Variants in ACER2 observed in about 807,000 individuals in gnomAD.
ACER2 encodes the protein alkCDase 2.
ACER2 carries 26 observed loss-of-function variants against 34.7 expected under a neutral mutation model. The ratio of observed to expected loss-of-function variants is 0.75; its 90% CI spans 0.55 to 1.04. The LOEUF (loss-of-function observed/expected upper bound fraction) is 1.04. ACER2 is among the 50% of genes least tolerant of loss of function. The pLI is 0.00. For synonymous variants in ACER2, 138 were observed against 132.1 expected, an observed-to-expected ratio of 1.04 and a Z score of -0.31; for missense variants, 352 against 340.8, an observed-to-expected ratio of 1.03 and a Z score of -0.26.
At chr9:19,420,402 T>G (rs1830368522) in intron 1 of ACER2, among the ~76,000 whole-genome samples, 1 of 152,218 alleles carries the variant, frequency 6.6e-6, no homozygotes. Flanking sequence ...GACATACTTC[T>G]TCTCTGTGCT....
intron 3 of ACER2, among the ~76,000 whole-genome samples, chr9:19,427,354 G>C (rs973661121): frequency 6.6e-6 from 1 of 152,172 alleles, no homozygotes; most frequent in African/African-American, 2.4e-5. Context: ...AAAGGTACAT[G>C]TTAAGGGAAA....
chr9:19,442,782 C>A (rs1014445386), intron 4 of ACER2, among the ~76,000 whole-genome samples: 1 of 151,562 alleles, frequency 6.6e-6, no homozygotes, highest in Non-Finnish European at 1.5e-5. Flanking sequence ...AGGCAAGAGG[C>A]CTATTTATTT....
Position 19,435,096 on chromosome 9 carries a change from C to A in ACER2, c.503+12C>A. On this transcript the variant is annotated intron_variant, in intron 4 of 5. Coordinates refer to ENST00000340967, the MANE Select transcript of ACER2 (RefSeq NM_001010887.3). ...GCAGAGCTAAAGAGGTAGGTGCCAT[C>A]ATTCCTGCCTACCCTTAGCTGTCCC... 1.2e-6 allele frequency: 2 copies of A among 1,613,976 alleles called. No individual in the cohort carries two copies. The highest frequency in any genetic ancestry group is 1.7e-6 in the Non-Finnish European group (2 of 1,179,920).
intron 5 of ACER2, chr9:19,446,657 A>T: frequency 2.0e-6 from 2 of 983,938 alleles, no homozygotes; most frequent in Non-Finnish European, 2.4e-6. Context: ...TTAGGTCTGC[A>T]GTCTTTTACC....
chr9:19,409,813 G>T (rs1262352405), intron 1 of ACER2: 1 of 985,192 alleles, frequency 1.0e-6, no homozygotes, highest in East Asian at 1.1e-4. Context: ...ACTCCCCCAG[G>T]ACTGTGCTTT....
intron 1 of ACER2, among the ~76,000 whole-genome samples, chr9:19,417,289 C>G (rs1358840638): frequency 6.6e-6 from 1 of 152,148 alleles, no homozygotes; most frequent in Non-Finnish European, 1.5e-5. Flanking sequence ...ATGAAAATGG[C>G]CATACTGCCC....
At chr9:19,438,924 T>C (rs1457395387) in intron 4 of ACER2, among the ~76,000 whole-genome samples, 1 of 152,110 alleles carries the variant, frequency 6.6e-6, no homozygotes, top group Non-Finnish European at 1.5e-5. Flanking sequence ...GTGCTGAGAT[T>C]ACAGGTGTGA....
Position 19,409,080 on chromosome 9 carries a change from T to A in ACER2, c.-5T>A, listed in dbSNP as rs1475177482. The A allele has an allele frequency of 6.3e-7, 1 of 1,575,280 alleles. No individual in the cohort carries two copies. The highest frequency in any genetic ancestry group is 2.3e-5 in the East Asian group (1 of 43,094). ...GAGCAGCTGCTCCAATGCCCCGGAG[T>A]GGCCATGGGCGCCCCGCACTGGTGG... On this transcript the variant is annotated 5_prime_UTR_variant, in exon 1 of 6. Coordinates refer to ENST00000340967, the MANE Select transcript of ACER2 (RefSeq NM_001010887.3).
chr9:19,447,361 A>T (rs1242538419), intron 5 of ACER2, among the ~76,000 whole-genome samples: 1 of 152,222 alleles, frequency 6.6e-6, no homozygotes, highest in Non-Finnish European at 1.5e-5. Context: ...TCCCTTGCTC[A>T]TGTGAACTTT....
chr9:19,447,069 T>C (rs1831397458), intron 5 of ACER2, among the ~76,000 whole-genome samples: 1 of 152,040 alleles, frequency 6.6e-6, no homozygotes, highest in Non-Finnish European at 1.5e-5. Context: ...AGAATCCGAT[T>C]CTGAGAAAGC....
chr9:19,410,157 G>C (rs1392440086), intron 1 of ACER2, among the ~76,000 whole-genome samples: 2 of 149,624 alleles, frequency 1.3e-5, no homozygotes, highest in South Asian at 2.1e-4. Flanking sequence ...TTTTCCTTTT[G>C]GATTTGCTAG....
chr9:19,441,743 T>C (rs1831163724), intron 4 of ACER2, among the ~76,000 whole-genome samples: 1 of 152,200 alleles, frequency 6.6e-6, no homozygotes, highest in African/African-American at 2.4e-5. Flanking sequence ...GGACGGGGTC[T>C]CTTTTTTCAC....
chr9:19,430,204 C>T (rs995407641), intron 3 of ACER2, among the ~76,000 whole-genome samples: 1 of 150,662 alleles, frequency 6.6e-6, no homozygotes. Context: ...AAAAGGGACA[C>T]AGGCTATAGG....
At chr9:19,413,416 C>A (rs10116717) in intron 1 of ACER2, among the ~76,000 whole-genome samples, 2 of 151,844 alleles carry the variant, frequency 1.3e-5, no homozygotes, top group Non-Finnish European at 2.9e-5. Flanking sequence ...CTGGCCAACA[C>A]GGCGAAACCC....
At chr9:19,424,574 T>C in intron 2 of ACER2, 126 bp from the exon 3 acceptor site, 2 of 1,493,848 alleles carry the variant, frequency 1.3e-6, no homozygotes, top group Non-Finnish European at 1.8e-6. Flanking sequence ...CTTCAGTTTC[T>C]TTTTTCAGAG....
At chr9:19,429,763 T>C (rs1174324293) in intron 3 of ACER2, among the ~76,000 whole-genome samples, 2 of 152,222 alleles carry the variant, frequency 1.3e-5, no homozygotes, top group Non-Finnish European at 2.9e-5. Context: ...GCTAGCATTC[T>C]TCCTGGATGA....
intron 4 of ACER2, among the ~76,000 whole-genome samples, chr9:19,438,466 C>T: frequency 6.6e-6 from 1 of 152,318 alleles, no homozygotes; most frequent in East Asian, 1.9e-4. Flanking sequence ...TGTTTGTGGA[C>T]CTGGAGGGAC....
rs1364974572 is a variant in ACER2, at chr9:19,424,724, C to T, written c.248C>T (p.Ala83Val). The change falls in exon 3 of 6, where the codon GCA (alanine) becomes GTA (valine). Residue 83 changes from alanine (A) to valine (V), a missense_variant. By Grantham distance (64) the Ala-to-Val change is moderately conservative. Transcript: ENST00000340967. ...GGAATTGGATCCGTCTACTTCCATG[C>T]AACCCTTAGTTTCTTGGGTCAGATG... ...VVGIGSVYFH[A>V]TLSFLGQMLD... 3.1e-6 allele frequency: 5 copies of T among 1,613,952 alleles called. No individual in the cohort carries two copies. Among genetic ancestry groups the T allele is most frequent in the Non-Finnish European group, 4.2e-6 (5 of 1,180,008 alleles).
At chr9:19,412,158 C>T (rs1235793137) in intron 1 of ACER2, among the ~76,000 whole-genome samples, 1 of 152,114 alleles carries the variant, frequency 6.6e-6, no homozygotes, top group South Asian at 2.1e-4. Flanking sequence ...ATCATTTTAT[C>T]TCTAGGATAA....
Sources: gnomAD v4.1 joint callset for allele counts (sites outside exome capture counted in the v4.1 genomes callset) on GRCh38, gnomAD v4.1.1 for gene constraint, MANE v1.5 for transcripts, NCBI Gene and HGNC (gene_info 2026-07-23, HGNC 2026-07-21) for gene names.